The following LRBA variants were observed in gnomAD, a reference collection of about 807,000 sequenced individuals.
LRBA encodes lipopolysaccharide-responsive and beige-like anchor protein.
A neutral mutation model predicts 330.0 loss-of-function variants in LRBA; 176 were observed. The observed-to-expected ratio is 0.53, with a 90% confidence interval of 0.47 to 0.60. The LOEUF (loss-of-function observed/expected upper bound fraction) is 0.60. Ranked by LOEUF, LRBA falls within the 20% of genes least tolerant of loss-of-function variation. The probability of loss-of-function intolerance (pLI) is 0.00; values close to 1 mark genes in which losing one functional copy is unlikely to be tolerated. For synonymous variants in LRBA, 1,230 were observed against 1,193.0 expected, an observed-to-expected ratio of 1.03 and a Z score of -0.64; for missense variants, 3,259 against 3,444.8, an observed-to-expected ratio of 0.95 and a Z score of 1.35.
intron 2 of LRBA, among the ~76,000 whole-genome samples, chr4:150,995,834 AAAT>A (rs1297344270): frequency 6.6e-6 from 1 of 152,154 alleles, no homozygotes; most frequent in East Asian, 1.9e-4. Context: ...TGGATATTAG[AAAT>A]AATAATTTCT....
chr4:150,566,050 A>T (rs944284352), intron 40 of LRBA, among the ~76,000 whole-genome samples: 6 of 137,086 alleles, frequency 4.4e-5, no homozygotes, highest in African/African-American at 1.3e-4. Flanking sequence ...CAACACGGCA[A>T]GATCCTGTCT....
Position 150,440,485 on chromosome 4 carries a change from TATAA to T in LRBA, c.6781-3625_6781-3622del, listed in dbSNP as rs569366725. Among the ~76,000 whole-genome samples the T allele has an allele frequency of 6.6e-3, 1,010 of 152,162 alleles. 4 individuals carry two copies. Among genetic ancestry groups the T allele is most frequent in the Middle Eastern group, 0.014 (4 of 294 alleles). On this transcript the variant is annotated intron_variant, in intron 44 of 56. Transcript: ENST00000651943. ...TAACAACAAAATATTATGTTAAAAATATAAATAAAGGACAGGCACAGTGGCTCTG... is the reference window on the plus strand; with the variant it reads ...TAACAACAAAATATTATGTTAAAAATATAAAGGACAGGCACAGTGGCTCTG...
intron 2 of LRBA, among the ~76,000 whole-genome samples, chr4:150,931,260 C>T (rs1197809810): frequency 6.6e-6 from 1 of 151,756 alleles, no homozygotes; most frequent in South Asian, 2.1e-4. Flanking sequence ...TTAACATTTA[C>T]AATACCATTA....
chr4:150,564,876 A>T (rs1026564986), intron 40 of LRBA, among the ~76,000 whole-genome samples: 3 of 152,144 alleles, frequency 2.0e-5, no homozygotes, highest in African/African-American at 7.2e-5. Context: ...AAAGTCAGGA[A>T]ACAACAGATG....
At chr4:150,956,144 C>A (rs2149555354) in intron 2 of LRBA, among the ~76,000 whole-genome samples, 1 of 148,476 alleles carries the variant, frequency 6.7e-6, no homozygotes, top group East Asian at 1.9e-4. Flanking sequence ...TTAGACTAAC[C>A]AAGAAGAAAA....
intron 37 of LRBA, among the ~76,000 whole-genome samples, chr4:150,618,876 A>G (rs983875024): frequency 2.6e-5 from 4 of 150,970 alleles, no homozygotes. Context: ...ATATATACAC[A>G]CATACACACA....
At chr4:150,947,177 A>C (rs1470668692) in intron 2 of LRBA, among the ~76,000 whole-genome samples, 2 of 151,582 alleles carry the variant, frequency 1.3e-5, no homozygotes, top group African/African-American at 4.8e-5. Context: ...AAATTTCTCA[A>C]TCCATTTTAC....
intron 40 of LRBA, among the ~76,000 whole-genome samples, chr4:150,558,517 C>T (rs892701336): frequency 1.3e-5 from 2 of 152,106 alleles, no homozygotes; most frequent in Non-Finnish European, 2.9e-5. Flanking sequence ...TTCTATTCTT[C>T]GGACACTTAT....
chr4:150,625,079 C>A (rs1776716663), intron 37 of LRBA, among the ~76,000 whole-genome samples: 1 of 151,982 alleles, frequency 6.6e-6, no homozygotes, highest in Non-Finnish European at 1.5e-5. Context: ...TACTTTAGAA[C>A]AATTACCAGG....
intron 9 of LRBA, among the ~76,000 whole-genome samples, chr4:150,912,128 A>T (rs968878547): frequency 1.3e-5 from 2 of 149,014 alleles, no homozygotes; most frequent in African/African-American, 2.5e-5. Flanking sequence ...ATGTTTAATT[A>T]AAAAAAAAAC....
intron 2 of LRBA, among the ~76,000 whole-genome samples, chr4:150,981,440 T>G (rs989258927): frequency 1.3e-5 from 2 of 151,196 alleles, no homozygotes; most frequent in African/African-American, 2.4e-5. Flanking sequence ...ATTATAAAAT[T>G]TATATGGAAC....
intron 30 of LRBA, among the ~76,000 whole-genome samples, chr4:150,823,240 C>A (rs948197407): frequency 5.9e-5 from 9 of 152,130 alleles, no homozygotes; most frequent in Non-Finnish European, 1.0e-4. Flanking sequence ...CTATTGAGAT[C>A]TTTAGCCCAT....
intron 35 of LRBA, among the ~76,000 whole-genome samples, chr4:150,754,813 T>C (rs1011867991): frequency 2.6e-5 from 4 of 152,104 alleles, no homozygotes; most frequent in Non-Finnish European, 5.9e-5. Flanking sequence ...TTCCCACATA[T>C]ATAATTTTAA....
intron 4 of LRBA, among the ~76,000 whole-genome samples, chr4:150,922,417 T>TATATATATA (rs1561010323): frequency 1.4e-5 from 2 of 147,804 alleles, no homozygotes; most frequent in African/African-American, 2.5e-5. Context: ...TATATATATA[T>TATATATATA]GATGGAATAC....
At chr4:150,838,094 T>G (rs550763887) in intron 28 of LRBA, among the ~76,000 whole-genome samples, 2 of 152,304 alleles carry the variant, frequency 1.3e-5, no homozygotes, top group South Asian at 4.1e-4. Context: ...AAAATTCGTT[T>G]CTTTAAGAAT....
intron 43 of LRBA, among the ~76,000 whole-genome samples, chr4:150,469,964 C>T (rs1017029924): frequency 5.6e-4 from 86 of 152,290 alleles, no homozygotes; most frequent in African/African-American, 2.0e-3. Context: ...GGGCAGATAA[C>T]CTGAGGTCAG....
At chr4:151,005,156 C>A (rs911518355) in intron 2 of LRBA, among the ~76,000 whole-genome samples, 2 of 150,790 alleles carry the variant, frequency 1.3e-5, no homozygotes, top group Non-Finnish European at 3.0e-5. Context: ...TTATAAAACA[C>A]CCTGTAATGG....
intron 35 of LRBA, among the ~76,000 whole-genome samples, chr4:150,739,566 G>A (rs1361595681): frequency 6.6e-6 from 1 of 152,198 alleles, no homozygotes; most frequent in Non-Finnish European, 1.5e-5. Flanking sequence ...AGTGTAAGAA[G>A]GAGATGGGGC....
chr4:150,545,556 G>A (rs143344838), intron 40 of LRBA, among the ~76,000 whole-genome samples: 42 of 151,808 alleles, frequency 2.8e-4, no homozygotes, highest in African/African-American at 9.4e-4. Context: ...AAAATAATTC[G>A]CAACTTAACT....
Sources: allele counts gnomAD v4.1 joint callset (sites outside exome capture counted in the v4.1 genomes callset), GRCh38; gene constraint gnomAD v4.1.1; transcripts MANE v1.5; gene names NCBI Gene and HGNC (gene_info 2026-07-23, HGNC 2026-07-21).